RAPGEF5: variants seen among roughly 807,000 people sequenced by gnomAD.
RAPGEF5 encodes the protein M-Ras-regulated GEF.
RAPGEF5 carries 65 observed loss-of-function variants against 125.2 expected under a neutral mutation model. That is an observed-to-expected ratio of 0.52 (90% CI 0.43 to 0.64). The LOEUF is 0.64. RAPGEF5 is among the 30% of genes least tolerant of loss of function. RAPGEF5 has a pLI of 0.00. For synonymous variants in RAPGEF5, 391 were observed against 385.9 expected (o/e 1.01, Z -0.16); for missense variants, 958 against 1,048.1 (o/e 0.91, Z 1.19).
chr7:22,290,419 A>G (rs1782902207), intron 6 of RAPGEF5, among the ~76,000 whole-genome samples: 1 of 152,218 alleles, frequency 6.6e-6, no homozygotes, highest in African/African-American at 2.4e-5. Context: ...CTTTACTTCA[A>G]CCAATTACAA....
chr7:22,278,307 A>G (rs1782602545), intron 6 of RAPGEF5, among the ~76,000 whole-genome samples: 1 of 152,158 alleles, frequency 6.6e-6, no homozygotes. Context: ...TTCTGCATGG[A>G]GCTAACCTGA....
chr7:22,195,652 G>A (rs1348378495), intron 9 of RAPGEF5, among the ~76,000 whole-genome samples: 2 of 151,866 alleles, frequency 1.3e-5, no homozygotes, highest in African/African-American at 4.8e-5. Flanking sequence ...TCTCCAAAGG[G>A]GTTCCTTTGT....
At chr7:22,323,098 A>G (rs1187898011) in intron 1 of RAPGEF5, among the ~76,000 whole-genome samples, 3 of 152,218 alleles carry the variant, frequency 2.0e-5, no homozygotes, top group Admixed American at 2.0e-4. Flanking sequence ...GCACCTGCTC[A>G]TGTTGTATGT....
intron 11 of RAPGEF5, among the ~76,000 whole-genome samples, chr7:22,179,683 C>T (rs570193619): frequency 6.6e-6 from 1 of 152,234 alleles, no homozygotes; most frequent in Non-Finnish European, 1.5e-5. Flanking sequence ...AAGAAGCCAG[C>T]CAAATCCCAC....
At chr7:22,205,806 T>C (rs962963300) in intron 9 of RAPGEF5, among the ~76,000 whole-genome samples, 2 of 152,220 alleles carry the variant, frequency 1.3e-5, no homozygotes, top group African/African-American at 4.8e-5. Context: ...TTTAATGACT[T>C]GACTTGAAAT....
intron 19 of RAPGEF5, 77 bp downstream of exon 19, chr7:22,146,820 C>A: frequency 6.8e-7 from 1 of 1,478,674 alleles, no homozygotes; most frequent in African/African-American, 1.4e-5. Flanking sequence ...ATTTCATCAC[C>A]GCACGCATTG....
chr7:22,205,248 T>C (rs1180269751), intron 9 of RAPGEF5, among the ~76,000 whole-genome samples: 1 of 152,192 alleles, frequency 6.6e-6, no homozygotes, highest in African/African-American at 2.4e-5. Context: ...TTTTCTGTAT[T>C]ACAAAGTGAC....
intron 11 of RAPGEF5, among the ~76,000 whole-genome samples, chr7:22,186,770 C>A (rs1451089093): frequency 6.6e-6 from 1 of 152,092 alleles, no homozygotes; most frequent in Non-Finnish European, 1.5e-5. Context: ...TAAGGAATTG[C>A]CAGGAAATGG....
intron 9 of RAPGEF5, among the ~76,000 whole-genome samples, chr7:22,198,055 A>AC (rs937869754): frequency 2.6e-5 from 4 of 151,884 alleles, no homozygotes; most frequent in Non-Finnish European, 4.4e-5. Context: ...AGGCCCAGCT[A>AC]ATTTTTTATT....
At chr7:22,260,606 T>C (rs1782132692) in intron 7 of RAPGEF5, among the ~76,000 whole-genome samples, 1 of 148,260 alleles carries the variant, frequency 6.7e-6, no homozygotes, top group Non-Finnish European at 1.5e-5. Context: ...TACCTAAAAA[T>C]ACATCAAACA....
intron 9 of RAPGEF5, among the ~76,000 whole-genome samples, chr7:22,211,576 C>G (rs1239959098): frequency 6.6e-6 from 1 of 152,182 alleles, no homozygotes; most frequent in African/African-American, 2.4e-5. Context: ...ACAGCAAATC[C>G]TTTTGCATGT....
At chr7:22,336,345 C>T (rs552014466) in intron 1 of RAPGEF5, among the ~76,000 whole-genome samples, 15 of 152,102 alleles carry the variant, frequency 9.9e-5, no homozygotes, top group Middle Eastern at 3.4e-3. Flanking sequence ...AGGCACAATA[C>T]GAATAAGGGC....
chr7:22,145,327 A>T, intron 19 of RAPGEF5, 105 bp from the exon 20 acceptor site: 1 of 1,064,870 alleles, frequency 9.4e-7, no homozygotes, highest in Non-Finnish European at 1.3e-6. Context: ...CTCCCATATT[A>T]TTAATACACT....
intron 1 of RAPGEF5, among the ~76,000 whole-genome samples, chr7:22,337,623 C>T (rs1033083454): frequency 2.9e-4 from 44 of 152,312 alleles, no homozygotes; most frequent in Non-Finnish European, 8.8e-5. Flanking sequence ...GCTTGGCCCA[C>T]GGCCCGGAAT....
At chr7:22,122,555 G>T (rs776627269) in intron 25 of RAPGEF5, 34 bp from the exon 26 acceptor site, 1 of 1,488,632 alleles carries the variant, frequency 6.7e-7, no homozygotes. Flanking sequence ...GACAATCTCA[G>T]GAGAGCAGTA....
chr7:22,325,428 GCCC>G (rs1783796002), intron 1 of RAPGEF5, among the ~76,000 whole-genome samples: 1 of 152,060 alleles, frequency 6.6e-6, no homozygotes, highest in African/African-American at 2.4e-5. Flanking sequence ...CGCCACCACT[GCCC>G]CACTCCAATC....
intron 1 of RAPGEF5, among the ~76,000 whole-genome samples, chr7:22,352,744 C>T (rs746174633): frequency 1.3e-5 from 2 of 152,190 alleles, no homozygotes; most frequent in Non-Finnish European, 2.9e-5. Context: ...AAAATTAAGA[C>T]TTTTCCCTGT....
intron 6 of RAPGEF5, among the ~76,000 whole-genome samples, chr7:22,272,148 C>A (rs1405073059): frequency 6.6e-6 from 1 of 151,738 alleles, no homozygotes; most frequent in Non-Finnish European, 1.5e-5. Context: ...TCGAGACCAG[C>A]CTGACCAACA....
chr7:22,287,229 G>A (rs577482729), intron 6 of RAPGEF5, among the ~76,000 whole-genome samples: 30 of 152,280 alleles, frequency 2.0e-4, no homozygotes, highest in African/African-American at 7.2e-4. Flanking sequence ...AACATGGCTG[G>A]AACAATTTAA....
Sources: gnomAD v4.1 joint callset for allele counts (sites outside exome capture counted in the v4.1 genomes callset) on GRCh38, gnomAD v4.1.1 for gene constraint, MANE v1.5 for transcripts, NCBI Gene and HGNC (gene_info 2026-07-23, HGNC 2026-07-21) for gene names.